XPO1: variants seen among roughly 807,000 people sequenced by gnomAD.
XPO1 encodes exportin-1.
In XPO1, 5 loss-of-function variants were observed where a neutral mutation model predicts 133.3. That is an observed-to-expected ratio of 0.04 (90% CI 0.02 to 0.08). The LOEUF is 0.08. Ranked by LOEUF, XPO1 falls within the 10% of genes least tolerant of loss-of-function variation. XPO1 has a pLI of 1.00. For synonymous variants in XPO1, 419 were observed against 408.2 expected (o/e 1.03, Z -0.32); for missense variants, 506 against 1,267.5 (o/e 0.40, Z 9.12).
At position 61,538,351 on chromosome 2, in the gene XPO1, G is replaced by T; in HGVS notation, c.-796C>A. The T allele has an allele frequency of 6.3e-6, 1 of 157,606 alleles. No homozygotes were observed. Among genetic ancestry groups the T allele is most frequent in the Non-Finnish European group, 1.4e-5 (1 of 71,460 alleles). 9.8% of individuals were successfully genotyped at this position (157,606 alleles called of 1,614,324 possible). A position where few individuals can be genotyped will look rare whatever the true frequency, so the allele number is the denominator to read the frequency against. On this transcript the variant is annotated 5_prime_UTR_variant, in exon 1 of 25. Coordinates refer to ENST00000401558, the MANE Select transcript of XPO1 (RefSeq NM_003400.4). The stretch of plus-strand genomic sequence containing the variant: ...AGCCCATGGCGCCGCGGAGCGTTTG[G>T]AACCTGGGCCTCCGCCCCCAGCCCG...
At chr2:61,493,853 A>C in intron 12 of XPO1, 41 bp downstream of exon 12, 5 of 1,601,378 alleles carry the variant, frequency 3.1e-6, no homozygotes, top group South Asian at 2.2e-5. Flanking sequence ...TCAAAACCAC[A>C]GTATGCAACA....
chr2:61,538,494 C>G (rs1443575395), upstream of XPO1: 1 of 152,870 alleles, frequency 6.5e-6, no homozygotes, highest in African/African-American at 2.4e-5. Flanking sequence ...GCCCCTACCT[C>G]TTTTCAGCAG....
At chr2:61,518,797 C>T (rs1046545563) in intron 4 of XPO1, among the ~76,000 whole-genome samples, 22 of 152,114 alleles carry the variant, frequency 1.4e-4, no homozygotes, top group African/African-American at 4.8e-4. Flanking sequence ...CACACACTTA[C>T]GGCCTAAAGC....
chr2:61,509,364 G>A (rs1697977889), intron 4 of XPO1, among the ~76,000 whole-genome samples: 1 of 152,094 alleles, frequency 6.6e-6, no homozygotes, highest in Non-Finnish European at 1.5e-5. Flanking sequence ...CAGGTTGGGT[G>A]AGATAGCTCA....
chr2:61,509,781 G>C (rs1698000183), intron 4 of XPO1, among the ~76,000 whole-genome samples: 1 of 152,144 alleles, frequency 6.6e-6, no homozygotes. Flanking sequence ...CAGTCAACCT[G>C]CACCACAGAA....
chr2:61,522,978 C>T (rs544386869), intron 3 of XPO1, among the ~76,000 whole-genome samples: 92 of 152,238 alleles, frequency 6.0e-4, no homozygotes, highest in African/African-American at 2.1e-3. Context: ...GCTTATCTGT[C>T]GAAGGAAAAG....
At chr2:61,513,302 T>G (rs1395333595) in intron 4 of XPO1, among the ~76,000 whole-genome samples, 2 of 145,180 alleles carry the variant, frequency 1.4e-5, no homozygotes, top group Non-Finnish European at 3.0e-5. Flanking sequence ...CCCAGCCAAA[T>G]CACAGATCTT....
At chr2:61,493,119 CTTAG>C in intron 12 of XPO1, 66 bp from the exon 13 acceptor site, 2 of 1,460,952 alleles carry the variant, frequency 1.4e-6, no homozygotes, top group Non-Finnish European at 1.8e-6. Context: ...AGTGTAGAAG[CTTAG>C]TTAAAAACAA....
chr2:61,480,170 T>C (rs1044244076), intron 24 of XPO1: 2 of 151,116 alleles, frequency 1.3e-5, no homozygotes. Flanking sequence ...CAGCTAAAAA[T>C]TCTTCATATG....
In XPO1 at chr2:61,526,144, GCTA is replaced by G. The variant is rs1698897164; in HGVS notation, c.228+273_228+275del. On this transcript the variant is annotated intron_variant, in intron 3 of 24. Coordinates refer to ENST00000401558, the MANE Select transcript of XPO1 (RefSeq NM_003400.4). ...TCTCTGAATAACATTCAGAATTTATGCTACTTAGACCTGTATACATATACTAAA... is the reference window on the plus strand; with the variant it reads ...TCTCTGAATAACATTCAGAATTTATGCTTAGACCTGTATACATATACTAAA... 4.4e-5 allele frequency: 51 copies of G among 1,171,418 alleles called. No homozygotes were observed. The South Asian group carries it at 9.4e-4, about 22-fold the overall frequency. 72.6% of individuals were successfully genotyped at this position (1,171,418 alleles called of 1,614,324 possible).
At chr2:61,490,387 C>T (rs571895264) in intron 17 of XPO1, among the ~76,000 whole-genome samples, 12 of 151,872 alleles carry the variant, frequency 7.9e-5, no homozygotes, top group African/African-American at 2.7e-4. Flanking sequence ...TTAGTAGAGA[C>T]GGGGTTTTGC....
In XPO1 at chr2:61,498,846, T is replaced by C. The variant is rs1697366777; in HGVS notation, c.639+19A>G. 1 of 1,606,646 alleles carries C rather than the reference T, an allele frequency of 6.2e-7. No homozygotes were observed. The highest frequency in any genetic ancestry group is 8.5e-7 in the Non-Finnish European group (1 of 1,176,806). ...GCTTTCCTATTATTGTTTTTAAAAATGAAATTAAAAACACTTACCATTACA... is the reference window on the plus strand; with the variant it reads ...GCTTTCCTATTATTGTTTTTAAAAACGAAATTAAAAACACTTACCATTACA... On this transcript the variant is annotated intron_variant, in intron 8 of 24. Transcript: ENST00000401558.
At chr2:61,509,953 T>C (rs1325609438) in intron 4 of XPO1, among the ~76,000 whole-genome samples, 1 of 152,214 alleles carries the variant, frequency 6.6e-6, no homozygotes, top group Non-Finnish European at 1.5e-5. Flanking sequence ...CTATATATAA[T>C]TGAAATGTTT....
At chr2:61,491,459 A>AACACACACACACAC (rs61072503) in intron 16 of XPO1, among the ~76,000 whole-genome samples, 1,670 of 142,946 alleles carry the variant, frequency 0.012, 16 homozygotes, top group Middle Eastern at 0.017. Flanking sequence ...TCAAAAAACA[A>AACACACACACACAC]ACACACACAC....
chr2:61,492,800 A>T lies in XPO1; in HGVS notation c.1385-52T>A. On this transcript the variant is annotated intron_variant, in intron 13 of 24. Transcript: ENST00000401558. This position sits in a 1 kb window ranked among gnomAD's most constrained non-coding sequence, Gnocchi z 5.6. ...GCAAATAATGAGCAGAATTTTATTG[A>T]TGAGTAACAATACATTTAGAAAATA... 3.2e-6 allele frequency: 5 copies of T among 1,580,830 alleles called. No homozygotes were observed. Among genetic ancestry groups the T allele is most frequent in the Non-Finnish European group, 4.3e-6 (5 of 1,161,550 alleles).
intron 21 of XPO1, 79 bp from the exon 22 acceptor site, chr2:61,483,170 T>C: frequency 6.8e-7 from 1 of 1,474,934 alleles, no homozygotes; most frequent in South Asian, 1.4e-5. Context: ...TATCAAAGTA[T>C]TCTGAATCTA....
Position 61,490,705 on chromosome 2 carries a change from C to T in XPO1, c.1959G>A (p.Leu653=). The change falls in exon 17 of 25, where the codon TTG becomes TTA. Residue 653 remains leucine (L), a synonymous_variant. Transcript: ENST00000401558. ...TAGGGAGTAACATGTACTTTTCTAT[C>T]AAGTGTTCTTGTACTGTTTGATCTG... ...AQTDQTVQEH[L]IEKYMLLPNQ... The T allele has an allele frequency of 6.2e-7, 1 of 1,614,196 alleles. No homozygotes were observed. The highest frequency in any genetic ancestry group is 1.3e-5 in the African/African-American group (1 of 75,058).
intron 4 of XPO1, among the ~76,000 whole-genome samples, chr2:61,514,975 A>G (rs2104661669): frequency 6.6e-6 from 1 of 151,934 alleles, no homozygotes; most frequent in South Asian, 2.1e-4. Flanking sequence ...AGGCTGAGGC[A>G]CAAGAATCGC....
At chr2:61,510,976 C>A (rs1698067747) in intron 4 of XPO1, among the ~76,000 whole-genome samples, 1 of 149,524 alleles carries the variant, frequency 6.7e-6, no homozygotes, top group South Asian at 2.1e-4. Context: ...TGGATGTAAG[C>A]TAGGGATCAA....
Sources: allele counts gnomAD v4.1 joint callset (sites outside exome capture counted in the v4.1 genomes callset), GRCh38; gene constraint gnomAD v4.1.1; non-coding constraint Gnocchi (gnomAD v3.1); transcripts MANE v1.5; gene names NCBI Gene and HGNC (gene_info 2026-07-23, HGNC 2026-07-21).